XPO4: variants seen among roughly 807,000 people sequenced by gnomAD.
XPO4 encodes exportin 4.
In XPO4, 39 loss-of-function variants were observed where a neutral mutation model predicts 143.0. That is an observed-to-expected ratio of 0.27 (90% confidence interval 0.21 to 0.36). XPO4 has a LOEUF of 0.36. Ranked by LOEUF, XPO4 falls within the 10% of genes least tolerant of loss-of-function variation. XPO4 has a pLI of 1.00. For synonymous variants in XPO4, 439 were observed against 474.0 expected, an observed-to-expected ratio of 0.93 and a Z score of 0.96; for missense variants, 907 against 1,348.0, an observed-to-expected ratio of 0.67 and a Z score of 5.12.
intron 4 of XPO4, among the ~76,000 whole-genome samples, chr13:20,854,455 T>C (rs1329164045): frequency 1.3e-5 from 2 of 152,124 alleles, no homozygotes; most frequent in East Asian, 1.9e-4. Context: ...ATCACATCCA[T>C]TAACTGAGGG....
At chr13:20,898,585 T>C (rs764407984) in intron 1 of XPO4, among the ~76,000 whole-genome samples, 1 of 151,920 alleles carries the variant, frequency 6.6e-6, no homozygotes, top group Non-Finnish European at 1.5e-5. Context: ...AAAAAAAACC[T>C]ATGAAAATTA....
At chr13:20,848,404 C>T (rs138107754) in intron 4 of XPO4, 2 of 985,358 alleles carry the variant, frequency 2.0e-6, no homozygotes, top group African/African-American at 1.7e-5. Context: ...TTCTCATCTA[C>T]AGTAAGGGCT....
chr13:20,884,155 G>A (rs1472722899), intron 1 of XPO4, among the ~76,000 whole-genome samples: 1 of 152,002 alleles, frequency 6.6e-6, no homozygotes, highest in South Asian at 2.1e-4. Flanking sequence ...CAGGAGGATC[G>A]CTTAAGCCCA....
At chr13:20,841,901 C>T (rs2059978289) in intron 6 of XPO4, among the ~76,000 whole-genome samples, 1 of 151,624 alleles carries the variant, frequency 6.6e-6, no homozygotes, top group Admixed American at 6.6e-5. Flanking sequence ...CCTGAACAGA[C>T]TCTCAGATTA....
chr13:20,858,072 G>A (rs1328790268), intron 3 of XPO4: 1 of 787,254 alleles, frequency 1.3e-6, no homozygotes, highest in Non-Finnish European at 1.5e-6. Context: ...ACAAATATCT[G>A]TGTCATGAAA....
At position 20,781,642 on chromosome 13, in the gene XPO4, C is replaced by G. The variant is rs764158978; in HGVS notation, c.*2080G>C. ...TAAATATAGATGCCTTTTTACTTAC[C>G]AAGGCATTCCTTTCCCACTCCTCTT... On this transcript the variant is annotated 3_prime_UTR_variant, in exon 23 of 23. Coordinates refer to ENST00000255305, the MANE Select transcript of XPO4 (RefSeq NM_022459.5). 6.6e-6 allele frequency: 1 copy of G among 152,022 alleles called. No individual in the cohort carries two copies. Among genetic ancestry groups the G allele is most frequent in the Non-Finnish European group, 1.5e-5 (1 of 67,968 alleles). The allele number at this position is 152,022 out of a possible 1,614,324, so 9.4% of individuals were successfully genotyped here. A position where few individuals can be genotyped will look rare whatever the true frequency, so the allele number is the denominator to read the frequency against.
chr13:20,852,011 T>C, intron 4 of XPO4: 1 of 985,414 alleles, frequency 1.0e-6, no homozygotes, highest in Non-Finnish European at 1.2e-6. Flanking sequence ...TTCCCAAGTA[T>C]GTGCTCATTC....
At chr13:20,859,754 C>G in intron 3 of XPO4, 1 of 616,892 alleles carries the variant, frequency 1.6e-6, no homozygotes, top group Non-Finnish European at 2.0e-6. Flanking sequence ...TCCAGCCTAG[C>G]AACAGAGCAA....
At chr13:20,825,113 A>C (rs570953707) in intron 7 of XPO4, among the ~76,000 whole-genome samples, 10 of 152,356 alleles carry the variant, frequency 6.6e-5, no homozygotes, top group Admixed American at 2.6e-4. Context: ...GAGATCAAGA[A>C]GACTCTGGTC....
chr13:20,868,399 C>T, intron 2 of XPO4, 197 bp downstream of exon 2: 1 of 892,242 alleles, frequency 1.1e-6, no homozygotes, highest in Non-Finnish European at 1.5e-6. Context: ...GGGAAAAATC[C>T]AAAGTAAAAA....
At position 20,796,902 on chromosome 13, in the gene XPO4, G is replaced by T. The variant is rs1199975865; in HGVS notation, c.2478C>A (p.Ile826=). The change falls in exon 17 of 23, where the codon ATC becomes ATA. Residue 826 remains isoleucine (I), a synonymous_variant. Transcript: ENST00000255305. Reference sequence around the variant, plus strand: ...GGAAGTCCATTAAAAAATTAAACAGGATTGCTACGTTGTCAATCTGGGTAG... The same window carrying T: ...GGAAGTCCATTAAAAAATTAAACAGTATTGCTACGTTGTCAATCTGGGTAG... ...AEATQIDNVA[I]LFNFLMDFLT... is the part of the protein sequence containing the mutation. 2 of 1,613,958 alleles carry T rather than the reference G, an allele frequency of 1.2e-6. No homozygotes were observed. Among genetic ancestry groups the T allele is most frequent in the Admixed American group, 1.7e-5 (1 of 59,978 alleles).
intron 2 of XPO4, among the ~76,000 whole-genome samples, chr13:20,863,523 C>T (rs1223527142): frequency 6.6e-6 from 1 of 152,178 alleles, no homozygotes; most frequent in Non-Finnish European, 1.5e-5. Context: ...GTTATAGTAT[C>T]TGATCTAAAA....
At chr13:20,868,258 A>C (rs531873851) in intron 2 of XPO4, among the ~76,000 whole-genome samples, 2 of 152,200 alleles carry the variant, frequency 1.3e-5, no homozygotes, top group South Asian at 4.1e-4. Flanking sequence ...CTGGGCTAAA[A>C]GATACTATAG....
At chr13:20,883,330 A>C (rs2060431113) in intron 1 of XPO4, among the ~76,000 whole-genome samples, 1 of 152,258 alleles carries the variant, frequency 6.6e-6, no homozygotes, top group Non-Finnish European at 1.5e-5. Flanking sequence ...AATTGATGAG[A>C]AACACTAAAA....
At chr13:20,786,873 A>G (rs1017837594) in intron 22 of XPO4, 92 bp downstream of exon 22, 10 of 1,005,336 alleles carry the variant, frequency 9.9e-6, no homozygotes, top group Admixed American at 8.6e-5. Flanking sequence ...CACAGATCCT[A>G]TAAGGGGGGA....
chr13:20,822,315 A>G, intron 7 of XPO4, 26 bp from the exon 8 acceptor site: 1 of 1,594,628 alleles, frequency 6.3e-7, no homozygotes, highest in Non-Finnish European at 8.6e-7. Flanking sequence ...ACTAATCCAT[A>G]AATATAAATT....
At chr13:20,824,438 G>C (rs1393466546) in intron 7 of XPO4, among the ~76,000 whole-genome samples, 10 of 151,946 alleles carry the variant, frequency 6.6e-5, no homozygotes, top group African/African-American at 2.2e-4. Flanking sequence ...CGAGCAATCA[G>C]AAGAAAGAAT....
intron 6 of XPO4, among the ~76,000 whole-genome samples, chr13:20,840,796 C>A (rs2059966412): frequency 6.6e-6 from 1 of 152,208 alleles, no homozygotes; most frequent in Admixed American, 6.5e-5. Flanking sequence ...AGCTGTAGTG[C>A]AGTCAGCCAA....
rs377659427 is a variant in XPO4 at position 20,797,198 on chromosome 13, T to C, written c.2323-141A>G. 46 of 768,624 alleles carry C rather than the reference T, an allele frequency of 6.0e-5. 2 individuals carry two copies. The highest frequency in any genetic ancestry group is 2.6e-4 in the East Asian group (9 of 34,052). The allele number at this position is 768,624 out of a possible 1,614,324, so 47.6% of individuals were successfully genotyped here. On this transcript the variant is annotated intron_variant, in intron 16 of 22. Transcript: ENST00000255305. Reference sequence around the variant, plus strand: ...ATAACAAAGAATATCTAAACCAGACTTTACACTCCCCATTTTGAGGGTCAT... The same window carrying C: ...ATAACAAAGAATATCTAAACCAGACCTTACACTCCCCATTTTGAGGGTCAT...
Sources: gnomAD v4.1 joint callset for allele counts (sites outside exome capture counted in the v4.1 genomes callset) on GRCh38, gnomAD v4.1.1 for gene constraint, MANE v1.5 for transcripts, NCBI Gene and HGNC (gene_info 2026-07-23, HGNC 2026-07-21) for gene names.